The following ENOPH1 variants were observed in gnomAD, a reference collection of about 807,000 sequenced individuals.
The protein encoded by ENOPH1 is enolase-phosphatase E1.
Under a neutral mutation model 31.1 loss-of-function variants are expected in ENOPH1, and 14 were observed. The observed-to-expected ratio is 0.45, with a 90% CI of 0.30 to 0.70. The LOEUF (loss-of-function observed/expected upper bound fraction) is 0.70, where lower values mean the gene tolerates loss of function less well. Among genes scored for constraint, ENOPH1 ranks in the 30% least tolerant of loss-of-function variants. The pLI, the probability that ENOPH1 is intolerant of heterozygous loss-of-function variation, is 0.09. For missense variants in ENOPH1, 243 were observed against 321.5 expected, an observed-to-expected ratio of 0.76 and a Z score of 1.87; for synonymous variants, 127 against 123.2, an observed-to-expected ratio of 1.03 and a Z score of -0.21.
chr4:82,447,772 C>G (rs1018630744), intron 1 of ENOPH1, 148 bp from the exon 2 acceptor site: 2 of 468,526 alleles, frequency 4.3e-6, no homozygotes, highest in South Asian at 4.0e-5. Flanking sequence ...GCCTCTGTCT[C>G]TCTTTCTTGC....
chr4:82,446,156 G>A (rs72909825), intron 1 of ENOPH1, among the ~76,000 whole-genome samples: 15,432 of 152,152 alleles, frequency 0.1, 1,660 homozygotes, highest in African/African-American at 0.27. Context: ...AGTGACTCAC[G>A]CCTGTAATCC....
At chr4:82,433,841 C>T (rs1275357675) in intron 1 of ENOPH1, among the ~76,000 whole-genome samples, 1 of 152,126 alleles carries the variant, frequency 6.6e-6, no homozygotes, top group Non-Finnish European at 1.5e-5. Context: ...TTTTAAACAC[C>T]TTTTAAAGAG....
At chr4:82,438,824 A>C (rs1164302043) in intron 1 of ENOPH1, among the ~76,000 whole-genome samples, 1 of 152,154 alleles carries the variant, frequency 6.6e-6, no homozygotes, top group African/African-American at 2.4e-5. Context: ...ATGGGTCTTA[A>C]AATTTTCTAT....
At chr4:82,440,338 AGATCCAGGG>A (rs1448779449) in intron 1 of ENOPH1, among the ~76,000 whole-genome samples, 1 of 152,220 alleles carries the variant, frequency 6.6e-6, no homozygotes, top group East Asian at 1.9e-4. Flanking sequence ...TATGCTGTCA[AGATCCAGGG>A]AGTTAGATGA....
At chr4:82,440,602 A>G (rs1429494875) in intron 1 of ENOPH1, among the ~76,000 whole-genome samples, 3 of 152,212 alleles carry the variant, frequency 2.0e-5, no homozygotes, top group Non-Finnish European at 4.4e-5. Flanking sequence ...ACTCTGGGCC[A>G]GTCAAGTTCC....
At chr4:82,454,959 G>A in intron 4 of ENOPH1, 105 bp downstream of exon 4, 1 of 1,105,026 alleles carries the variant, frequency 9.0e-7, no homozygotes, top group East Asian at 2.5e-5. Context: ...TTTTTTTTTG[G>A]TTGTTTAAAA....
intron 3 of ENOPH1, among the ~76,000 whole-genome samples, chr4:82,451,821 C>G (rs947124623): frequency 2.0e-5 from 3 of 152,158 alleles, no homozygotes; most frequent in Admixed American, 1.3e-4. Context: ...GGGTCCTACT[C>G]TGTTGGCTGG....
At chr4:82,436,036 G>T (rs1178747410) in intron 1 of ENOPH1, among the ~76,000 whole-genome samples, 1 of 152,182 alleles carries the variant, frequency 6.6e-6, no homozygotes, top group Non-Finnish European at 1.5e-5. Context: ...ATGAAGGAAG[G>T]ATTGATAAGG....
chr4:82,460,192 T>C lies in ENOPH1; in HGVS notation c.*72T>C, dbSNP rs2110049607. 6.6e-7 allele frequency: 1 copy of C among 1,505,840 alleles called. No individual in the cohort carries two copies. The highest frequency in any genetic ancestry group is 9.1e-7 in the Non-Finnish European group (1 of 1,094,892). 93.3% of individuals were successfully genotyped at this position (1,505,840 alleles called of 1,614,324 possible). On this transcript the variant is annotated 3_prime_UTR_variant, in exon 6 of 6. Transcript: ENST00000273920. ...GTAGTGTCTAGGTTTATTCTAATGG[T>C]AAAAGTAACTTACTTAAAAAACATA...
chr4:82,441,967 A>G (rs1722053595), intron 1 of ENOPH1, among the ~76,000 whole-genome samples: 1 of 152,224 alleles, frequency 6.6e-6, no homozygotes, highest in African/African-American at 2.4e-5. Flanking sequence ...GAGCCAGGGA[A>G]GAAAAGTGGC....
intron 5 of ENOPH1, 49 bp from the exon 6 acceptor site, chr4:82,459,932 A>T: frequency 1.2e-6 from 2 of 1,602,750 alleles, no homozygotes; most frequent in East Asian, 4.5e-5. Context: ...AATCTCAGAC[A>T]TCATTTTTTG....
Position 82,454,867 on chromosome 4 carries a change from G to A in ENOPH1, c.522+13G>A. ...AGATATTCTTGAGGTAGGTTACCTA[G>A]TTTACTTTGTTGTTTTGACGCTATC... On this transcript the variant is annotated intron_variant, in intron 4 of 5. Transcript: ENST00000273920. 1 of 1,605,510 alleles carries A rather than the reference G, an allele frequency of 6.2e-7. No individual in the cohort carries two copies. The highest frequency in any genetic ancestry group is 1.7e-5 in the Admixed American group (1 of 57,834).
At chr4:82,437,224 T>C (rs1000914202) in intron 1 of ENOPH1, among the ~76,000 whole-genome samples, 36 of 152,212 alleles carry the variant, frequency 2.4e-4, no homozygotes, top group African/African-American at 8.0e-4. Flanking sequence ...TTTAATTGAA[T>C]ACCTGTCATG....
At chr4:82,459,400 C>T (rs1375260435) in intron 5 of ENOPH1, among the ~76,000 whole-genome samples, 1 of 152,276 alleles carries the variant, frequency 6.6e-6, no homozygotes, top group Non-Finnish European at 1.5e-5. Context: ...AAGCAATCCT[C>T]CCACCTCAGC....
chr4:82,458,358 T>C (rs1722543566), intron 5 of ENOPH1, among the ~76,000 whole-genome samples: 1 of 151,934 alleles, frequency 6.6e-6, no homozygotes, highest in African/African-American at 2.4e-5. Context: ...ATACAAATAT[T>C]AGCCAGGCAG....
intron 3 of ENOPH1, among the ~76,000 whole-genome samples, chr4:82,451,629 A>G (rs1722354908): frequency 6.6e-6 from 1 of 152,172 alleles, no homozygotes; most frequent in Admixed American, 6.5e-5. Context: ...GACATAGGAA[A>G]TTTTGTGCCC....
chr4:82,437,523 T>G (rs1370397305), intron 1 of ENOPH1, among the ~76,000 whole-genome samples: 4 of 152,222 alleles, frequency 2.6e-5, no homozygotes, highest in Non-Finnish European at 5.9e-5. Flanking sequence ...TCTCCAAGTG[T>G]GGGTCCCATG....
chr4:82,450,021 G>C (rs577156306), intron 2 of ENOPH1, among the ~76,000 whole-genome samples: 12 of 152,178 alleles, frequency 7.9e-5, no homozygotes, highest in Non-Finnish European at 1.5e-4. Context: ...ATGGTCTGCA[G>C]AGCTAACTCA....
intron 1 of ENOPH1, among the ~76,000 whole-genome samples, chr4:82,434,426 A>G (rs559022112): frequency 1.3e-5 from 2 of 152,302 alleles, no homozygotes; most frequent in South Asian, 4.1e-4. Flanking sequence ...TCTACTAAAA[A>G]TACAAAAAGT....
Sources: allele counts gnomAD v4.1 joint callset (sites outside exome capture counted in the v4.1 genomes callset), GRCh38; gene constraint gnomAD v4.1.1; transcripts MANE v1.5; gene names NCBI Gene and HGNC (gene_info 2026-07-23, HGNC 2026-07-21).